ALK: variants seen among roughly 807,000 people sequenced by gnomAD.
The protein encoded by ALK is ALK receptor tyrosine kinase, also known as ALK tyrosine kinase receptor.
Under a neutral mutation model 163.1 loss-of-function variants are expected in ALK, and 74 were observed. The ratio of observed to expected loss-of-function variants is 0.45; its 90% CI spans 0.38 to 0.55. The LOEUF is 0.55. Ranked by LOEUF, ALK falls within the 20% of genes least tolerant of loss-of-function variation. The probability of loss-of-function intolerance (pLI) is 0.00; values close to 1 mark genes in which losing one functional copy is unlikely to be tolerated. For synonymous variants in ALK, 960 were observed against 843.2 expected, an observed-to-expected ratio of 1.14 and a Z score of -2.40; for missense variants, 2,063 against 2,105.3, an observed-to-expected ratio of 0.98 and a Z score of 0.39.
chr2:29,605,259 G>A (rs1269029208), intron 3 of ALK, among the ~76,000 whole-genome samples: 1 of 152,166 alleles, frequency 6.6e-6, no homozygotes, highest in Non-Finnish European at 1.5e-5. Context: ...TGCCACCACT[G>A]ATCTGACAGG....
In ALK at chr2:29,920,407, G is replaced by A. The variant is rs1043811061; in HGVS notation, c.253C>T (p.Pro85Ser). ...PSSSELKAGR[P>S]EARGSLALDC... is the part of the protein sequence containing the mutation. ...AGAGCTAGCGAGCCGCGGGCCTCGG[G>A]CCTGCCAGCCTTCAGCTCCGAGGAG... Residue 85 changes from proline (P) to serine (S), a missense_variant, in exon 1 of 29, where the codon CCC (proline) becomes TCC (serine). Transcript: ENST00000389048. 1 of 1,583,006 alleles carries A rather than the reference G, an allele frequency of 6.3e-7. No individual in the cohort carries two copies. The highest frequency in any genetic ancestry group is 1.3e-5 in the African/African-American group (1 of 74,220).
chr2:29,254,045 G>C (rs143093256), intron 11 of ALK, among the ~76,000 whole-genome samples: 7,413 of 152,226 alleles, frequency 0.049, 226 homozygotes, highest in Non-Finnish European at 0.074. Context: ...TAGTGAGTTA[G>C]TTCTCACAAG....
intron 1 of ALK, among the ~76,000 whole-genome samples, chr2:29,794,865 A>G (rs190770313): frequency 6.4e-4 from 98 of 152,312 alleles, no homozygotes; most frequent in Middle Eastern, 3.4e-3. Context: ...AATTACCAAA[A>G]TGTGACACAG....
In ALK at chr2:29,303,294, C is replaced by T. The variant is rs150824128; in HGVS notation, c.1648-6237G>A. Among the ~76,000 whole-genome samples the T allele has an allele frequency of 2.0e-4, 31 of 152,190 alleles. No individual in the cohort carries two copies. The East Asian group carries it at 4.8e-3, about 24-fold the overall frequency. On this transcript the variant is annotated intron_variant, in intron 8 of 28. Coordinates refer to ENST00000389048, the MANE Select transcript of ALK (RefSeq NM_004304.5). The stretch of plus-strand genomic sequence containing the variant: ...ACACATATGAAAAACTGCTCAACAA[C>T]GCTAACCACCAGAGAAATGCAAATC...
chr2:29,665,003 C>CTTTTTTTTT (rs35885544), intron 3 of ALK, among the ~76,000 whole-genome samples: 1 of 133,790 alleles, frequency 7.5e-6, no homozygotes, highest in Non-Finnish European at 1.6e-5. Context: ...TTCTTTTTTT[C>CTTTTTTTTT]TTTTTTTTTT....
chr2:29,363,316 A>T (rs1668425560), intron 5 of ALK, among the ~76,000 whole-genome samples: 2 of 152,200 alleles, frequency 1.3e-5, no homozygotes, highest in Non-Finnish European at 2.9e-5. Context: ...GCCTTCACCG[A>T]TGACAGCTGG....
chr2:29,405,261 T>G (rs1369739382), intron 4 of ALK, among the ~76,000 whole-genome samples: 1 of 152,154 alleles, frequency 6.6e-6, no homozygotes, highest in African/African-American at 2.4e-5. Flanking sequence ...AGGGGTCATT[T>G]GAACCTTTCA....
rs766004334 is a variant in ALK at position 29,318,427 on chromosome 2, C to G, written c.1547-23G>C. On this transcript the variant is annotated intron_variant, in intron 7 of 28. Transcript: ENST00000389048. ...GGTCTAGGAGAGAGGAAAAGAATCA[C>G]AAGCACGCCATTATCAGGAACTGGG... 2.0e-5 allele frequency: 31 copies of G among 1,544,198 alleles called. No individual in the cohort carries two copies. The South Asian group carries it at 3.3e-4, about 17-fold the overall frequency.
intron 3 of ALK, among the ~76,000 whole-genome samples, chr2:29,544,179 T>C (rs1298359612): frequency 6.6e-6 from 1 of 152,142 alleles, no homozygotes; most frequent in Non-Finnish European, 1.5e-5. Flanking sequence ...TGCAGTGTAA[T>C]GCATGCAGGC....
intron 1 of ALK, among the ~76,000 whole-genome samples, chr2:29,818,086 G>A (rs1465057857): frequency 1.3e-5 from 2 of 152,088 alleles, no homozygotes. Context: ...ACTCCACTGT[G>A]CGAGAGGCAG....
chr2:29,501,402 C>T (rs1004878358), intron 4 of ALK, among the ~76,000 whole-genome samples: 1 of 152,224 alleles, frequency 6.6e-6, no homozygotes, highest in South Asian at 2.1e-4. Context: ...TGCTGAAATC[C>T]TTGAAAGAAC....
At chr2:29,367,928 T>C (rs1668546751) in intron 5 of ALK, among the ~76,000 whole-genome samples, 1 of 152,244 alleles carries the variant, frequency 6.6e-6, no homozygotes, top group Non-Finnish European at 1.5e-5. Flanking sequence ...TTCTAGCTAC[T>C]GATCTCAATT....
intron 3 of ALK, among the ~76,000 whole-genome samples, chr2:29,588,875 G>A (rs1456118415): frequency 1.3e-5 from 2 of 152,072 alleles, no homozygotes; most frequent in Non-Finnish European, 2.9e-5. Context: ...CTTAACTTGC[G>A]GGCCAGACAA....
At chr2:29,555,329 A>G (rs550352890) in intron 3 of ALK, among the ~76,000 whole-genome samples, 6 of 152,124 alleles carry the variant, frequency 3.9e-5, no homozygotes, top group African/African-American at 9.6e-5. Context: ...CCATTGGCCC[A>G]CTTCACTCAT....
chr2:29,690,471 GC>G (rs892465412), intron 3 of ALK, among the ~76,000 whole-genome samples: 2 of 152,126 alleles, frequency 1.3e-5, no homozygotes, highest in African/African-American at 4.8e-5. Flanking sequence ...CCATTTTTAA[GC>G]CAGGATTCAT....
intron 4 of ALK, among the ~76,000 whole-genome samples, chr2:29,435,549 C>T (rs996359344): frequency 6.6e-6 from 1 of 151,880 alleles, no homozygotes; most frequent in Non-Finnish European, 1.5e-5. Context: ...ATTACCCCCT[C>T]TCCCAATCTT....
chr2:29,880,213 T>C (rs1188312162), intron 1 of ALK, among the ~76,000 whole-genome samples: 2 of 152,220 alleles, frequency 1.3e-5, no homozygotes, highest in Non-Finnish European at 2.9e-5. Context: ...GGCAGTCTCC[T>C]CTCCATCCTG....
At chr2:29,643,027 A>G (rs1676748698) in intron 3 of ALK, among the ~76,000 whole-genome samples, 1 of 152,142 alleles carries the variant, frequency 6.6e-6, no homozygotes, top group African/African-American at 2.4e-5. Flanking sequence ...AATAATAATA[A>G]CACCTAATAG....
intron 27 of ALK, 92 bp downstream of exon 27, chr2:29,197,450 C>G (rs568543737): frequency 2.8e-5 from 45 of 1,581,202 alleles, no homozygotes; most frequent in Non-Finnish European, 2.6e-6. Context: ...CCATCTGCCC[C>G]TTCATCTTAA....
Sources: gnomAD v4.1 joint callset for allele counts (sites outside exome capture counted in the v4.1 genomes callset) on GRCh38, gnomAD v4.1.1 for gene constraint, MANE v1.5 for transcripts, NCBI Gene and HGNC (gene_info 2026-07-23, HGNC 2026-07-21) for gene names.